Variants in DENND5A observed in about 807,000 individuals in gnomAD.
The protein encoded by DENND5A is DENN domain-containing protein 5A.
In DENND5A, 64 loss-of-function variants were observed where a neutral mutation model predicts 140.3. The observed-to-expected ratio is 0.46, with a 90% CI of 0.37 to 0.56. The LOEUF (loss-of-function observed/expected upper bound fraction) is 0.56. Among genes scored for constraint, DENND5A ranks in the 20% least tolerant of loss-of-function variants. The pLI is 0.00. For synonymous variants in DENND5A, 605 were observed against 607.7 expected, an observed-to-expected ratio of 1.00 and a Z score of 0.07; for missense variants, 1,292 against 1,593.8, an observed-to-expected ratio of 0.81 and a Z score of 3.22.
At chr11:9,263,775 G>C (rs1852317594) in intron 1 of DENND5A, among the ~76,000 whole-genome samples, 3 of 147,376 alleles carry the variant, frequency 2.0e-5, no homozygotes, top group African/African-American at 7.4e-5. Flanking sequence ...CCGGGAAGCG[G>C]AGCTTGCAGT....
chr11:9,195,240 G>A (rs548090573), intron 4 of DENND5A, among the ~76,000 whole-genome samples: 11 of 151,516 alleles, frequency 7.3e-5, no homozygotes, highest in Admixed American at 5.3e-4. Context: ...GCCACCACCC[G>A]AGCTAATTTT....
intron 1 of DENND5A, among the ~76,000 whole-genome samples, chr11:9,247,553 C>T (rs1400439369): frequency 2.0e-5 from 3 of 151,364 alleles, no homozygotes; most frequent in African/African-American, 7.3e-5. Flanking sequence ...GAGAGAGACA[C>T]CTAGTGAAGA....
intron 14 of DENND5A, 124 bp downstream of exon 14, chr11:9,150,555 AG>A (rs1564882898): frequency 1.5e-6 from 1 of 676,396 alleles, no homozygotes; most frequent in African/African-American, 1.8e-5. Flanking sequence ...CTTTGTGATT[AG>A]GAGGGCTTCC....
chr11:9,139,534 A>C lies in DENND5A; in HGVS notation c.*137T>G, dbSNP rs749809036. The stretch of plus-strand genomic sequence containing the variant: ...CTAAAATAGATTATTTATTCCAAAA[A>C]TCCTCTAGTTTTCTTTTTACAGTGA... On this transcript the variant is annotated 3_prime_UTR_variant, in exon 23 of 23. Transcript: ENST00000328194. 1.4e-5 allele frequency: 10 copies of C among 735,494 alleles called. No individual in the cohort carries two copies. The highest frequency in any genetic ancestry group is 1.9e-5 in the Non-Finnish European group (9 of 462,376). The allele number at this position is 735,494 out of a possible 1,614,324, so 45.6% of individuals were successfully genotyped here.
rs1198609513 is a variant in DENND5A, at chr11:9,203,854, G to A, written c.755C>T (p.Pro252Leu). Residue 252 changes from proline (P) to leucine (L), a missense_variant, in exon 4 of 23, where the codon CCG (proline) becomes CTG (leucine). Coordinates refer to ENST00000328194, the MANE Select transcript of DENND5A (RefSeq NM_015213.4). ...SYIYNVLYEVPLPPPGRSLKF... is the reference protein window; with the variant it reads ...SYIYNVLYEVLLPPPGRSLKF... The stretch of plus-strand genomic sequence containing the variant: ...CAAGGACCGGCCAGGAGGTGGGAGC[G>A]GCACCTCGTAGAGTACGTTGTATAT... The A allele has an allele frequency of 5.6e-6, 9 of 1,614,116 alleles. No individual in the cohort carries two copies. The highest frequency in any genetic ancestry group is 4.4e-5 in the South Asian group (4 of 91,062).
chr11:9,253,203 G>A (rs1056695088), intron 1 of DENND5A, among the ~76,000 whole-genome samples: 2 of 151,930 alleles, frequency 1.3e-5, no homozygotes, highest in African/African-American at 4.8e-5. Context: ...TTCCAACAAA[G>A]CCAAAAAACA....
rs1269893314 is a variant in DENND5A at position 9,144,104 on chromosome 11, G to T, written c.3297C>A (p.Asn1099Lys). Residue 1099 changes from asparagine (N) to lysine (K), a missense_variant, in exon 19 of 23, where the codon AAC becomes AAA. Physicochemically the swap from Asn to Lys is moderately conservative, Grantham distance 94. This residue lies in a region of DENND5A where 498 missense variants were observed against 689.7 expected (regional missense o/e 0.72). Coordinates refer to ENST00000328194, the MANE Select transcript of DENND5A (RefSeq NM_015213.4). ...ACCCCTCCTCCCACTTACTGGGCTT[G>T]TTGTTGGGTGAGATGGTAACAAGCC... ...IRRLVTISPN[N>K]KPKLNTGQIQ... is the part of the protein sequence containing the mutation. 1 of 1,613,374 alleles carries T rather than the reference G, an allele frequency of 6.2e-7. No individual in the cohort carries two copies.
intron 5 of DENND5A, among the ~76,000 whole-genome samples, chr11:9,187,436 C>T (rs1464826194): frequency 6.6e-6 from 1 of 152,060 alleles, no homozygotes; most frequent in African/African-American, 2.4e-5. Flanking sequence ...ACATGGATCC[C>T]CCAAATCCCA....
chr11:9,257,703 C>T (rs1351924758), intron 1 of DENND5A, among the ~76,000 whole-genome samples: 3 of 151,534 alleles, frequency 2.0e-5, no homozygotes, highest in Non-Finnish European at 2.9e-5. Flanking sequence ...AGGATAGTCT[C>T]GATCTCCTGA....
intron 4 of DENND5A, among the ~76,000 whole-genome samples, chr11:9,199,883 C>T (rs1849467741): frequency 6.6e-6 from 1 of 152,200 alleles, no homozygotes; most frequent in Non-Finnish European, 1.5e-5. Context: ...ACTCTATTAA[C>T]AACAAAAAGC....
chr11:9,160,580 T>C, intron 12 of DENND5A, 133 bp downstream of exon 12: 2 of 626,664 alleles, frequency 3.2e-6, no homozygotes, highest in Non-Finnish European at 5.2e-6. Flanking sequence ...TAATTGTTTA[T>C]TTCAAATCTC....
intron 6 of DENND5A, among the ~76,000 whole-genome samples, chr11:9,179,405 G>T (rs1317474610): frequency 2.0e-5 from 3 of 152,092 alleles, no homozygotes; most frequent in African/African-American, 7.2e-5. Context: ...AAGGAATGTG[G>T]GAGGTCAATT....
intron 4 of DENND5A, among the ~76,000 whole-genome samples, chr11:9,198,208 A>AT (rs1399589556): frequency 2.0e-5 from 3 of 152,178 alleles, no homozygotes; most frequent in Admixed American, 2.0e-4. Flanking sequence ...TGAATTAGGC[A>AT]TATCATGAAG....
intron 11 of DENND5A, among the ~76,000 whole-genome samples, chr11:9,164,276 C>T (rs1848112353): frequency 7.7e-6 from 1 of 130,010 alleles, no homozygotes; most frequent in Non-Finnish European, 1.6e-5. Context: ...TGGCCTCAAA[C>T]TTCTGGGCTC....
intron 1 of DENND5A, among the ~76,000 whole-genome samples, chr11:9,237,591 C>T (rs548087094): frequency 3.4e-4 from 51 of 151,864 alleles, no homozygotes; most frequent in African/African-American, 1.2e-3. Flanking sequence ...ATTTAAAATG[C>T]ACATTTCTTG....
chr11:9,150,014 C>T (rs1847559005), intron 15 of DENND5A, 67 bp downstream of exon 15: 1 of 1,547,610 alleles, frequency 6.5e-7, no homozygotes, highest in African/African-American at 1.4e-5. Context: ...CCCCTTCCCA[C>T]ACAAGTTTCC....
intron 5 of DENND5A, among the ~76,000 whole-genome samples, chr11:9,189,632 G>T (rs112444857): frequency 3.7e-4 from 54 of 147,164 alleles, no homozygotes; most frequent in Non-Finnish European, 5.8e-4. Context: ...TTTTTTTTTG[G>T]TTTTTTTGTT....
At chr11:9,253,915 T>C (rs534683513) in intron 1 of DENND5A, among the ~76,000 whole-genome samples, 10 of 152,066 alleles carry the variant, frequency 6.6e-5, no homozygotes, top group Admixed American at 5.9e-4. Context: ...CCCAGCACTT[T>C]GGGAGGCCGA....
At chr11:9,176,663 G>A in intron 8 of DENND5A, 1 of 252,828 alleles carries the variant, frequency 4.0e-6, no homozygotes, top group Non-Finnish European at 7.9e-6. Flanking sequence ...AGCACCACAG[G>A]AACAGAGAAG....
Sources: allele counts gnomAD v4.1 joint callset (sites outside exome capture counted in the v4.1 genomes callset), GRCh38; gene constraint gnomAD v4.1.1; regional missense constraint gnomAD v4.1.1; transcripts MANE v1.5; gene names NCBI Gene and HGNC (gene_info 2026-07-23, HGNC 2026-07-21).